The following WWOX variants were observed in gnomAD, a reference collection of about 807,000 sequenced individuals.
WWOX encodes WW domain-containing oxidoreductase.
Under a neutral mutation model 46.2 loss-of-function variants are expected in WWOX, and 69 were observed. That is an observed-to-expected ratio of 1.49 (90% CI 1.23 to 1.82). The LOEUF (loss-of-function observed/expected upper bound fraction) is 1.82. WWOX is among the 40% of genes most tolerant of loss of function. The pLI is 0.00. For missense variants in WWOX, 919 were observed against 542.6 expected, an observed-to-expected ratio of 1.69 and a Z score of -6.89; for synonymous variants, 359 against 202.6, an observed-to-expected ratio of 1.77 and a Z score of -6.56.
intron 8 of WWOX, among the ~76,000 whole-genome samples, chr16:78,814,964 G>C (rs2051292315): frequency 6.6e-6 from 1 of 152,132 alleles, no homozygotes; most frequent in African/African-American, 2.4e-5. Context: ...TCTTCTGGTT[G>C]GATTTAGCAA....
In WWOX at chr16:78,155,999, G is replaced by C. The variant is rs561097722; in HGVS notation, c.410-8184G>C. On this transcript the variant is annotated intron_variant, in intron 4 of 8. Transcript: ENST00000566780. ...TTTGAAATAGCCACGCTTTGTTTCT[G>C]TTCCAAAGGCAATTGTAAAGGGTAA... Among the ~76,000 whole-genome samples, 3 of 152,284 alleles carry C rather than the reference G, an allele frequency of 2.0e-5. No individual in the cohort carries two copies. In the South Asian group the frequency reaches 6.2e-4, roughly 32 times the overall value.
intron 8 of WWOX, among the ~76,000 whole-genome samples, chr16:78,857,613 T>C (rs1336702292): frequency 6.6e-6 from 1 of 152,224 alleles, no homozygotes; most frequent in Non-Finnish European, 1.5e-5. Flanking sequence ...TTTCCTTTTG[T>C]ATCTAGCCTA....
At chr16:78,776,944 T>A (rs1049508003) in intron 8 of WWOX, among the ~76,000 whole-genome samples, 3 of 152,180 alleles carry the variant, frequency 2.0e-5, no homozygotes, top group East Asian at 3.9e-4. Context: ...CAGCTTGTAT[T>A]ACAATTCGAG....
At chr16:78,767,484 G>C (rs1036857158) in intron 8 of WWOX, among the ~76,000 whole-genome samples, 1 of 92,884 alleles carries the variant, frequency 1.1e-5, no homozygotes, top group African/African-American at 4.2e-5. Context: ...GTGTGTGTCT[G>C]TGTGTGTGTG....
At chr16:78,784,168 C>T (rs1428227873) in intron 8 of WWOX, among the ~76,000 whole-genome samples, 1 of 152,094 alleles carries the variant, frequency 6.6e-6, no homozygotes, top group Non-Finnish European at 1.5e-5. Flanking sequence ...CATTGCTTTT[C>T]CCATGTAACG....
chr16:78,852,898 A>G (rs1354914507), intron 8 of WWOX, among the ~76,000 whole-genome samples: 1 of 152,194 alleles, frequency 6.6e-6, no homozygotes, highest in Non-Finnish European at 1.5e-5. Flanking sequence ...TTTCTCAAAA[A>G]GTAGTTTGGT....
chr16:78,600,585 G>C (rs2045598320), intron 8 of WWOX, among the ~76,000 whole-genome samples: 1 of 152,174 alleles, frequency 6.6e-6, no homozygotes, highest in African/African-American at 2.4e-5. Context: ...CTATAGTCCA[G>C]AGAGGTGAAG....
chr16:78,822,220 G>A (rs1339658383), intron 8 of WWOX, among the ~76,000 whole-genome samples: 4 of 152,194 alleles, frequency 2.6e-5, no homozygotes, highest in Admixed American at 2.0e-4. Context: ...GAGGCCAGGT[G>A]TGGTGGCTTA....
chr16:78,661,681 G>A (rs1181224634), intron 8 of WWOX, among the ~76,000 whole-genome samples: 1 of 152,116 alleles, frequency 6.6e-6, no homozygotes, highest in African/African-American at 2.4e-5. Context: ...CATGGAATGG[G>A]GGGAAAAGCT....
chr16:78,710,774 C>T (rs575771134), intron 8 of WWOX, among the ~76,000 whole-genome samples: 2 of 151,072 alleles, frequency 1.3e-5, no homozygotes, highest in South Asian at 4.2e-4. Flanking sequence ...GCTACCGTGC[C>T]CAGCTAATTG....
At chr16:78,552,533 G>A (rs1272909871) in intron 8 of WWOX, 2 of 152,244 alleles carry the variant, frequency 1.3e-5, no homozygotes, top group African/African-American at 4.8e-5. Flanking sequence ...TAGAGGAGCA[G>A]CTGGAGGGTC....
chr16:78,850,784 T>C (rs1200062614), intron 8 of WWOX, among the ~76,000 whole-genome samples: 1 of 152,234 alleles, frequency 6.6e-6, no homozygotes, highest in African/African-American at 2.4e-5. Context: ...CAGATATTGA[T>C]ACCCCTGGTC....
chr16:79,009,647 C>G (rs1442424568), intron 8 of WWOX, among the ~76,000 whole-genome samples: 1 of 152,172 alleles, frequency 6.6e-6, no homozygotes, highest in African/African-American at 2.4e-5. Context: ...GACAAGGTTT[C>G]CCCATGTTGG....
At chr16:78,361,712 G>A (rs1383181933) in intron 5 of WWOX, among the ~76,000 whole-genome samples, 2 of 151,948 alleles carry the variant, frequency 1.3e-5, no homozygotes, top group African/African-American at 4.8e-5. Context: ...CCTGTGTTCA[G>A]GCGATTCTCC....
intron 8 of WWOX, among the ~76,000 whole-genome samples, chr16:78,773,644 G>A (rs1169282330): frequency 2.6e-5 from 4 of 152,154 alleles, no homozygotes; most frequent in Non-Finnish European, 4.4e-5. Context: ...ATTGTTTTCC[G>A]CTACTCACTG....
intron 8 of WWOX, among the ~76,000 whole-genome samples, chr16:78,450,710 G>A (rs2083670879): frequency 6.6e-6 from 1 of 152,136 alleles, no homozygotes; most frequent in Admixed American, 6.5e-5. Flanking sequence ...TGGCTATTGT[G>A]TGTGCTATGT....
intron 8 of WWOX, among the ~76,000 whole-genome samples, chr16:78,697,204 G>A (rs2048119043): frequency 6.6e-6 from 1 of 152,136 alleles, no homozygotes; most frequent in South Asian, 2.1e-4. Flanking sequence ...TGGATCAAAT[G>A]GTAGTTCTAC....
intron 8 of WWOX, among the ~76,000 whole-genome samples, chr16:78,596,585 A>G (rs1478319964): frequency 1.3e-5 from 2 of 152,182 alleles, no homozygotes; most frequent in Admixed American, 6.5e-5. Context: ...TGCAAGGACC[A>G]GCCAGCTGAG....
intron 8 of WWOX, among the ~76,000 whole-genome samples, chr16:78,520,559 T>C (rs1338193398): frequency 6.6e-6 from 1 of 151,986 alleles, no homozygotes; most frequent in Admixed American, 6.6e-5. Flanking sequence ...TCAGCACAGA[T>C]TGGCAGTGGA....
Sources: gnomAD v4.1 joint callset for allele counts (sites outside exome capture counted in the v4.1 genomes callset) on GRCh38, gnomAD v4.1.1 for gene constraint, MANE v1.5 for transcripts, NCBI Gene and HGNC (gene_info 2026-07-23, HGNC 2026-07-21) for gene names.